The following PPM1L variants were observed in gnomAD, a reference collection of about 807,000 sequenced individuals.
The protein encoded by PPM1L is protein phosphatase, Mg2+/Mn2+ dependent 1L, also known as protein phosphatase 1L.
A neutral mutation model predicts 31.4 loss-of-function variants in PPM1L; 13 were observed. The observed-to-expected ratio is 0.41, with a 90% CI of 0.27 to 0.66. The LOEUF (loss-of-function observed/expected upper bound fraction) is 0.66. Among genes scored for constraint, PPM1L ranks in the 30% least tolerant of loss-of-function variants. The pLI, the probability that PPM1L is intolerant of heterozygous loss-of-function variation, is 0.29. For missense variants in PPM1L, 326 were observed against 453.7 expected, an observed-to-expected ratio of 0.72 and a Z score of 2.56; for synonymous variants, 184 against 175.4, an observed-to-expected ratio of 1.05 and a Z score of -0.39.
chr3:160,917,539 A>C (rs1353963762), intron 1 of PPM1L, among the ~76,000 whole-genome samples: 3 of 152,144 alleles, frequency 2.0e-5, no homozygotes, highest in Non-Finnish European at 4.4e-5. Flanking sequence ...TAATTCCTCC[A>C]ATATCACTCA....
intron 1 of PPM1L, among the ~76,000 whole-genome samples, chr3:160,936,299 G>A (rs541545163): frequency 2.3e-3 from 349 of 152,210 alleles, no homozygotes; most frequent in African/African-American, 8.3e-3. Context: ...CACTATGTTA[G>A]CCAGGCTGGT....
intron 2 of PPM1L, among the ~76,000 whole-genome samples, chr3:160,969,685 A>G (rs1419546984): frequency 3.9e-5 from 6 of 152,196 alleles, no homozygotes; most frequent in African/African-American, 1.2e-4. Flanking sequence ...TCTTAGCTCA[A>G]AAGATACCCT....
rs144578783 is a variant in PPM1L, at chr3:160,920,382, T to G, written c.400-41354T>G. Among the ~76,000 whole-genome samples the G allele has an allele frequency of 3.5e-3, 527 of 152,222 alleles. 2 individuals carry two copies. Among genetic ancestry groups the G allele is most frequent in the African/African-American group, 0.012 (509 of 41,538 alleles). ...AACCATGCAAGGGCCTTTCTTGGCC[T>G]TTTCTTTCACAATGGGGTTTAATGA... On this transcript the variant is annotated intron_variant, in intron 1 of 3. Transcript: ENST00000498165.
chr3:161,021,597 T>G (rs1718236453), intron 2 of PPM1L, among the ~76,000 whole-genome samples: 1 of 152,062 alleles, frequency 6.6e-6, no homozygotes, highest in African/African-American at 2.4e-5. Flanking sequence ...TCTGCCTCGT[T>G]CTATCTATTA....
Position 161,069,509 on chromosome 3 carries a change from G to C in PPM1L, c.*352G>C, listed in dbSNP as rs1719845692. On this transcript the variant is annotated 3_prime_UTR_variant, in exon 4 of 4. Transcript: ENST00000498165. The stretch of plus-strand genomic sequence containing the variant: ...CCTGTTCAGGGTCCTCCAGGCATCA[G>C]CTGTTGTGTCCTCTCTTTGTAACAG... The C allele has an allele frequency of 3.8e-6, 1 of 261,744 alleles. No individual in the cohort carries two copies. The highest frequency in any genetic ancestry group is 5.1e-5 in the Admixed American group (1 of 19,510). The allele number at this position is 261,744 out of a possible 1,614,324, so 16.2% of individuals were successfully genotyped here. A position where few individuals can be genotyped will look rare whatever the true frequency, so the allele number is the denominator to read the frequency against.
chr3:160,960,522 CT>C (rs1271021540), intron 1 of PPM1L, among the ~76,000 whole-genome samples: 1 of 150,648 alleles, frequency 6.6e-6, no homozygotes, highest in Non-Finnish European at 1.5e-5. Flanking sequence ...CAGATACCAT[CT>C]TTTTGTTTGT....
At chr3:160,954,724 T>C (rs1715685144) in intron 1 of PPM1L, among the ~76,000 whole-genome samples, 1 of 152,162 alleles carries the variant, frequency 6.6e-6, no homozygotes, top group Admixed American at 6.6e-5. Context: ...TATAACACAA[T>C]TTTTAATTGC....
At chr3:160,924,951 A>G (rs887304001) in intron 1 of PPM1L, among the ~76,000 whole-genome samples, 1 of 152,234 alleles carries the variant, frequency 6.6e-6, no homozygotes, top group Non-Finnish European at 1.5e-5. Flanking sequence ...ACCTCATTGC[A>G]GACATGCTAG....
chr3:160,788,206 G>T (rs545982736), intron 1 of PPM1L, among the ~76,000 whole-genome samples: 1 of 152,108 alleles, frequency 6.6e-6, no homozygotes, highest in East Asian at 1.9e-4. Flanking sequence ...GCTTTGGGCA[G>T]TATGACCATT....
At chr3:161,053,660 T>C (rs1476774171) in intron 2 of PPM1L, among the ~76,000 whole-genome samples, 1 of 152,194 alleles carries the variant, frequency 6.6e-6, no homozygotes, top group East Asian at 1.9e-4. Context: ...CCCACCTCCC[T>C]CACTAAAGAG....
chr3:160,758,693 TGTG>T (rs1714882119), intron 1 of PPM1L, among the ~76,000 whole-genome samples: 2 of 152,224 alleles, frequency 1.3e-5, no homozygotes, highest in Admixed American at 1.3e-4. Context: ...AGTAGTATCT[TGTG>T]GTAAATGTAC....
At chr3:160,882,915 A>G (rs1436475448) in intron 1 of PPM1L, among the ~76,000 whole-genome samples, 4 of 152,220 alleles carry the variant, frequency 2.6e-5, no homozygotes, top group Non-Finnish European at 4.4e-5. Flanking sequence ...TTAGTCTTCA[A>G]ATTTATCCCA....
intron 1 of PPM1L, among the ~76,000 whole-genome samples, chr3:160,925,508 G>T (rs1240699653): frequency 1.3e-5 from 2 of 152,096 alleles, no homozygotes; most frequent in African/African-American, 2.4e-5. Flanking sequence ...TTTTACACTA[G>T]TTGTAAAGTG....
chr3:161,016,752 T>A (rs1718099072), intron 2 of PPM1L, among the ~76,000 whole-genome samples: 1 of 152,218 alleles, frequency 6.6e-6, no homozygotes, highest in Non-Finnish European at 1.5e-5. Context: ...AAAAGTAAGC[T>A]TTTCAAGAGC....
chr3:160,799,349 C>A (rs1035269295), intron 1 of PPM1L, among the ~76,000 whole-genome samples: 3 of 152,192 alleles, frequency 2.0e-5, no homozygotes, highest in African/African-American at 7.2e-5. Context: ...AGAATTGCCA[C>A]ACCTACCCCA....
At chr3:160,919,338 C>T (rs1714306393) in intron 1 of PPM1L, among the ~76,000 whole-genome samples, 1 of 152,120 alleles carries the variant, frequency 6.6e-6, no homozygotes, top group African/African-American at 2.4e-5. Context: ...ATAGTTGGGC[C>T]ACTTAAGAAC....
chr3:160,903,207 T>TGG, intron 1 of PPM1L, among the ~76,000 whole-genome samples: 1 of 108,536 alleles, frequency 9.2e-6, no homozygotes. Flanking sequence ...TGTGTGTATG[T>TGG]TTGTGTGTGT....
At chr3:160,771,343 G>A (rs894435770) in intron 1 of PPM1L, among the ~76,000 whole-genome samples, 1 of 149,244 alleles carries the variant, frequency 6.7e-6, no homozygotes, top group Non-Finnish European at 1.5e-5. Flanking sequence ...TGCAATCTCT[G>A]CCTCCTGGGC....
chr3:160,797,113 T>C (rs953695971), intron 1 of PPM1L, among the ~76,000 whole-genome samples: 3 of 152,212 alleles, frequency 2.0e-5, no homozygotes, highest in African/African-American at 7.2e-5. Flanking sequence ...GGCAACCCCA[T>C]GTTGAGCAAG....
Sources: gnomAD v4.1 joint callset for allele counts (sites outside exome capture counted in the v4.1 genomes callset) on GRCh38, gnomAD v4.1.1 for gene constraint, MANE v1.5 for transcripts, NCBI Gene and HGNC (gene_info 2026-07-23, HGNC 2026-07-21) for gene names.